The following MAGI1 variants were observed in gnomAD, a reference collection of about 807,000 sequenced individuals.
The protein encoded by MAGI1 is membrane-associated guanylate kinase, WW and PDZ domain-containing protein 1.
In MAGI1, 58 loss-of-function variants were observed where a neutral mutation model predicts 139.9. That is an observed-to-expected ratio of 0.41 (90% CI 0.34 to 0.52). The LOEUF (loss-of-function observed/expected upper bound fraction) is 0.52. Ranked by LOEUF, MAGI1 falls within the 20% of genes least tolerant of loss-of-function variation. The pLI, the probability that MAGI1 is intolerant of heterozygous loss-of-function variation, is 0.12. For missense variants in MAGI1, 1,874 were observed against 1,901.6 expected (o/e 0.99, Z 0.27); for synonymous variants, 812 against 737.9 (o/e 1.10, Z -1.63).
At chr3:65,612,310 T>C (rs2083165706) in intron 2 of MAGI1, among the ~76,000 whole-genome samples, 1 of 152,114 alleles carries the variant, frequency 6.6e-6, no homozygotes, top group Non-Finnish European at 1.5e-5. Context: ...TGCTGGTTAC[T>C]AACGTTTTAA....
intron 1 of MAGI1, among the ~76,000 whole-genome samples, chr3:65,818,564 G>C (rs2041753102): frequency 6.6e-6 from 1 of 152,178 alleles, no homozygotes; most frequent in South Asian, 2.1e-4. Context: ...GGAGTTGAGA[G>C]CACTGCTGGC....
intron 1 of MAGI1, among the ~76,000 whole-genome samples, chr3:65,707,465 G>A (rs897055126): frequency 3.3e-5 from 5 of 152,100 alleles, no homozygotes; most frequent in Non-Finnish European, 5.9e-5. Context: ...CCAGGTGATT[G>A]TTTGAGCCCA....
chr3:65,486,627 G>C (rs1205316999), intron 3 of MAGI1, among the ~76,000 whole-genome samples: 1 of 152,198 alleles, frequency 6.6e-6, no homozygotes, highest in East Asian at 1.9e-4. Context: ...ACCTTGCTTT[G>C]ATGCCAATTC....
At chr3:65,711,898 A>T (rs1576839631) in intron 1 of MAGI1, among the ~76,000 whole-genome samples, 1 of 152,208 alleles carries the variant, frequency 6.6e-6, no homozygotes, top group East Asian at 1.9e-4. Context: ...TCGGCAAATT[A>T]ATACAATCCC....
chr3:65,387,730 T>C (rs1054734861), intron 14 of MAGI1, among the ~76,000 whole-genome samples: 2 of 152,222 alleles, frequency 1.3e-5, no homozygotes, highest in Non-Finnish European at 1.5e-5. Flanking sequence ...AATGGATCTA[T>C]CCGAGAACTG....
intron 2 of MAGI1, chr3:65,619,926 T>C: frequency 1.0e-6 from 1 of 985,338 alleles, no homozygotes; most frequent in Middle Eastern, 5.2e-4. Context: ...CCATAAAACA[T>C]CAATGCCAAG....
chr3:65,581,958 T>C (rs2081447460), intron 2 of MAGI1, among the ~76,000 whole-genome samples: 1 of 152,184 alleles, frequency 6.6e-6, no homozygotes, highest in Admixed American at 6.5e-5. Flanking sequence ...TAAATATCTT[T>C]TGAAAAAAAG....
intron 1 of MAGI1, among the ~76,000 whole-genome samples, chr3:65,997,921 G>A (rs2066539750): frequency 6.6e-6 from 1 of 152,016 alleles, no homozygotes; most frequent in Non-Finnish European, 1.5e-5. Flanking sequence ...CAGTTTGAGA[G>A]GCCAAGGTGG....
intron 2 of MAGI1, among the ~76,000 whole-genome samples, chr3:65,502,624 G>A (rs2077125108): frequency 1.3e-5 from 2 of 152,170 alleles, no homozygotes; most frequent in Admixed American, 1.3e-4. Flanking sequence ...TCAGACAGCT[G>A]CCTTTTTGCT....
intron 2 of MAGI1, among the ~76,000 whole-genome samples, chr3:65,574,645 T>C (rs565579745): frequency 6.6e-6 from 1 of 152,014 alleles, no homozygotes; most frequent in African/African-American, 2.4e-5. Context: ...GGACCTAGAA[T>C]AGCAAAAACA....
At chr3:65,554,201 C>T (rs1205474760) in intron 2 of MAGI1, among the ~76,000 whole-genome samples, 1 of 152,162 alleles carries the variant, frequency 6.6e-6, no homozygotes, top group Non-Finnish European at 1.5e-5. Context: ...TTTGAGAAGG[C>T]ATGGTCAAGA....
At chr3:65,632,835 G>A (rs2084387369) in intron 1 of MAGI1, among the ~76,000 whole-genome samples, 1 of 152,170 alleles carries the variant, frequency 6.6e-6, no homozygotes, top group Non-Finnish European at 1.5e-5. Context: ...TTCAGGTAAG[G>A]AATTCTCCTT....
At chr3:65,739,393 T>G (rs1017647696) in intron 1 of MAGI1, among the ~76,000 whole-genome samples, 11 of 152,222 alleles carry the variant, frequency 7.2e-5, no homozygotes, top group African/African-American at 1.9e-4. Context: ...CAGACCAACT[T>G]TCTCCACATT....
intron 1 of MAGI1, among the ~76,000 whole-genome samples, chr3:65,725,657 C>A (rs560433011): frequency 6.6e-6 from 1 of 152,258 alleles, no homozygotes; most frequent in South Asian, 2.1e-4. Flanking sequence ...TTGAGTGTCA[C>A]CAAGCTAACA....
chr3:65,986,249 C>T (rs2065873104), intron 1 of MAGI1, among the ~76,000 whole-genome samples: 1 of 152,010 alleles, frequency 6.6e-6, no homozygotes, highest in South Asian at 2.1e-4. Flanking sequence ...TGATGTAGTC[C>T]CAATTTTACC....
At chr3:65,453,616 C>T (rs1205834512) in intron 5 of MAGI1, among the ~76,000 whole-genome samples, 21 of 152,044 alleles carry the variant, frequency 1.4e-4, no homozygotes, top group Admixed American at 1.4e-3. Flanking sequence ...AAATAAGTTA[C>T]AAATGATACC....
At chr3:65,878,957 C>T (rs2060224163) in intron 1 of MAGI1, among the ~76,000 whole-genome samples, 1 of 152,172 alleles carries the variant, frequency 6.6e-6, no homozygotes, top group Admixed American at 6.5e-5. Context: ...TTCAGCCCGC[C>T]TGACTTCCTT....
intron 1 of MAGI1, among the ~76,000 whole-genome samples, chr3:66,008,559 T>C (rs1283892930): frequency 6.6e-6 from 1 of 152,058 alleles, no homozygotes; most frequent in African/African-American, 2.4e-5. Context: ...AAGATACAAC[T>C]GAGTGGCAAG....
rs755825684 is a variant in MAGI1, at chr3:65,587,479, C to CTT, written c.430+34491_430+34492dup. ...CATTTTATTTTATTATTACTTTTTT[C>CTT]TTTTTTTTTTTTTTTTTTTTTTGAG... On this transcript the variant is annotated intron_variant, in intron 2 of 22. Transcript: ENST00000402939. 6.5e-3 allele frequency among the ~76,000 whole-genome samples: 710 copies of CTT among 109,430 alleles called. 6 individuals carry two copies. Among genetic ancestry groups the CTT allele is most frequent in the Middle Eastern group, 0.011 (2 of 178 alleles). 71.8% of individuals were successfully genotyped at this position (109,430 alleles called of 152,430 possible).
Sources: gnomAD v4.1 joint callset for allele counts (sites outside exome capture counted in the v4.1 genomes callset) on GRCh38, gnomAD v4.1.1 for gene constraint, MANE v1.5 for transcripts, NCBI Gene and HGNC (gene_info 2026-07-23, HGNC 2026-07-21) for gene names.